The following TIAM2 variants were observed in gnomAD, a reference collection of about 807,000 sequenced individuals.
TIAM2 encodes the protein rho guanine nucleotide exchange factor TIAM2.
TIAM2 carries 80 observed loss-of-function variants against 152.9 expected under a neutral mutation model. The observed-to-expected ratio is 0.52, with a 90% CI of 0.44 to 0.63. TIAM2 has a LOEUF of 0.63. TIAM2 is among the 30% of genes least tolerant of loss of function. The pLI is 0.00. For synonymous variants in TIAM2, 804 were observed against 838.0 expected (o/e 0.96, Z 0.70); for missense variants, 1,965 against 2,120.1 (o/e 0.93, Z 1.44).
chr6:155,145,629 A>G (rs1205440514), intron 6 of TIAM2, among the ~76,000 whole-genome samples: 2 of 152,220 alleles, frequency 1.3e-5, no homozygotes, highest in Non-Finnish European at 2.9e-5. Context: ...AGCACTTGAC[A>G]TACACACAGT....
chr6:155,222,121 T>C (rs1782066598), intron 15 of TIAM2, among the ~76,000 whole-genome samples: 1 of 151,840 alleles, frequency 6.6e-6, no homozygotes, highest in Non-Finnish European at 1.5e-5. Flanking sequence ...GCCCAGCTAA[T>C]TTTTGTATTT....
Position 155,257,719 on chromosome 6 carries a change from T to G in TIAM2, c.*598T>G. 1 of 1,247,708 alleles carries G rather than the reference T, an allele frequency of 8.0e-7. No homozygotes were observed. The highest frequency in any genetic ancestry group is 1.1e-6 in the Non-Finnish European group (1 of 878,890). 77.3% of individuals were successfully genotyped at this position (1,247,708 alleles called of 1,614,324 possible). A position where few individuals can be genotyped will look rare whatever the true frequency, so the allele number is the denominator to read the frequency against. ...AGCTGTATAGTAAAAGGAAAATAAG[T>G]CACATCTGGTCATTGGCATTTGTAT... On this transcript the variant is annotated 3_prime_UTR_variant, in exon 27 of 27. Transcript: ENST00000682666.
In TIAM2 at chr6:155,256,738, C is replaced by T. The variant is rs114433866; in HGVS notation, c.4723C>T (p.His1575Tyr). 3,925 of 1,614,214 alleles carry T rather than the reference C, an allele frequency of 2.4e-3. 124 individuals are homozygous for T. The South Asian group carries it at 0.04, about 16-fold the overall frequency. The change falls in exon 27 of 27, where the codon CAC (histidine) becomes TAC (tyrosine). Residue 1575 changes from histidine (H) to tyrosine (Y), a missense_variant. Physicochemically the swap from His to Tyr is moderately conservative, Grantham distance 83. This residue lies in a region of TIAM2 where 935 missense variants were observed against 980.0 expected (regional missense o/e 0.95). Coordinates refer to ENST00000682666, the MANE Select transcript of TIAM2 (RefSeq NM_012454.4). ...SDILSDEDDD[H>Y]RQTVKQGSPT... is the part of the protein sequence containing the mutation. ...CATCCTGAGCGATGAAGATGATGAC[C>T]ACCGTCAGACTGTGAAGCAGGGCAG... is the stretch of plus-strand genomic sequence containing the variant.
intron 1 of TIAM2, among the ~76,000 whole-genome samples, chr6:155,027,107 C>T (rs1252232327): frequency 2.0e-5 from 3 of 151,780 alleles, no homozygotes; most frequent in African/African-American, 7.3e-5. Flanking sequence ...GTGATCTTGG[C>T]TCACTACAAC....
rs564553750 is a variant in TIAM2 at position 155,103,133 on chromosome 6, C to T, written c.-118+12754C>T. 3.9e-5 allele frequency among the ~76,000 whole-genome samples: 6 copies of T among 152,288 alleles called. No individual in the cohort carries two copies. In the East Asian group the frequency reaches 1.2e-3, roughly 29 times the overall value. ...GTCTAGTTTTATGATTTGGAACTCT[C>T]TGGTTTTTGTAATTTTAGGATGGAG... On this transcript the variant is annotated intron_variant, in intron 2 of 26. Coordinates refer to ENST00000682666, the MANE Select transcript of TIAM2 (RefSeq NM_012454.4).
Position 155,248,061 on chromosome 6 carries a change from C to T in TIAM2, c.3714C>T (p.Ser1238=), listed in dbSNP as rs748779497. Residue 1238 remains serine (S), a synonymous_variant, in exon 20 of 27, where the codon TCC becomes TCT. Coordinates refer to ENST00000682666, the MANE Select transcript of TIAM2 (RefSeq NM_012454.4). ...CCCGGAACCCCACCAAGCAGCATTC[C>T]TCCACGCTGGAGTCCTACCTCATCA... The part of the protein sequence containing the change: ...LDARNPTKQH[S]STLESYLIKP... 6.2e-6 allele frequency: 10 copies of T among 1,614,138 alleles called. No homozygotes were observed. Among genetic ancestry groups the T allele is most frequent in the African/African-American group, 1.3e-5 (1 of 74,950 alleles).
At chr6:155,165,504 T>G (rs1780405480) in intron 9 of TIAM2, 95 bp downstream of exon 9, 3 of 1,492,296 alleles carry the variant, frequency 2.0e-6, no homozygotes, top group Non-Finnish European at 2.7e-6. Context: ...CATTCTCTGT[T>G]AAGAATGAAA....
At position 154,995,387 on chromosome 6, in the gene TIAM2, C is replaced by T. The variant is rs1247995568; in HGVS notation, c.-314C>T. Reference sequence around the variant, plus strand: ...CGTCCAAGTGGAGAACAAAGTGACCCCCAGAACTTCTCCAACTCCTCCCGG... The same window carrying T: ...CGTCCAAGTGGAGAACAAAGTGACCTCCAGAACTTCTCCAACTCCTCCCGG... On this transcript the variant is annotated 5_prime_UTR_variant, in exon 1 of 27. Transcript: ENST00000682666. This position sits in a 1 kb window ranked among gnomAD's most constrained non-coding sequence, Gnocchi z 5.2. The T allele has an allele frequency of 1.3e-5, 2 of 151,028 alleles. No homozygotes were observed. Among genetic ancestry groups the T allele is most frequent in the African/African-American group, 2.4e-5 (1 of 41,332 alleles). 9.4% of individuals were successfully genotyped at this position (151,028 alleles called of 1,614,324 possible).
At chr6:155,027,821 CTG>C (rs1446816595) in intron 1 of TIAM2, among the ~76,000 whole-genome samples, 2 of 96,494 alleles carry the variant, frequency 2.1e-5, no homozygotes, top group Non-Finnish European at 3.8e-5. Flanking sequence ...AATATATGTA[CTG>C]TGATACATAT....
intron 2 of TIAM2, among the ~76,000 whole-genome samples, chr6:155,121,204 A>C (rs1031191591): frequency 6.6e-6 from 1 of 152,154 alleles, no homozygotes; most frequent in African/African-American, 2.4e-5. Context: ...TTAAAGCTAA[A>C]ATTTAATAAT....
intron 14 of TIAM2, among the ~76,000 whole-genome samples, chr6:155,191,839 G>A (rs1274048769): frequency 6.6e-6 from 1 of 151,896 alleles, no homozygotes; most frequent in Non-Finnish European, 1.5e-5. Flanking sequence ...AAATAATGGG[G>A]TATTTTTCTG....
intron 1 of TIAM2, among the ~76,000 whole-genome samples, chr6:155,086,172 C>T (rs115484257): frequency 0.013 from 1,964 of 152,230 alleles, 39 homozygotes; most frequent in African/African-American, 0.044. Context: ...CTGAGGAAGG[C>T]GCTGAGATCC....
At chr6:155,117,479 G>A (rs1779042491) in intron 2 of TIAM2, among the ~76,000 whole-genome samples, 1 of 152,176 alleles carries the variant, frequency 6.6e-6, no homozygotes, top group South Asian at 2.1e-4. Flanking sequence ...GTCATGCTTT[G>A]TCGCCCAGGC....
At chr6:155,091,611 C>T (rs1226896968) in intron 2 of TIAM2, among the ~76,000 whole-genome samples, 1 of 152,130 alleles carries the variant, frequency 6.6e-6, no homozygotes, top group African/African-American at 2.4e-5. Flanking sequence ...TCTAATATCT[C>T]TGGGTTTATT....
intron 1 of TIAM2, among the ~76,000 whole-genome samples, chr6:155,038,377 T>A (rs1776960570): frequency 1.3e-5 from 2 of 152,158 alleles, no homozygotes; most frequent in African/African-American, 4.8e-5. Flanking sequence ...TGCCTGCATT[T>A]CAGTAGATGG....
In TIAM2 at chr6:155,257,524, TTTAAG is replaced by T. The variant is rs895018150; in HGVS notation, c.*407_*411del. ...TAGTTTTTGCTTTATTTAAAGCATA[TTTAAG>T]TTATTTTAATGTGGTTTAGGGGCAA... On this transcript the variant is annotated 3_prime_UTR_variant, in exon 27 of 27. Coordinates refer to ENST00000682666, the MANE Select transcript of TIAM2 (RefSeq NM_012454.4). The T allele has an allele frequency of 5.3e-5, 19 of 360,660 alleles. No homozygotes were observed. The highest frequency in any genetic ancestry group is 3.6e-4 in the African/African-American group (17 of 46,996). 22.3% of individuals were successfully genotyped at this position (360,660 alleles called of 1,614,324 possible).
At chr6:155,233,177 G>GTGA (rs147389698) in intron 15 of TIAM2, among the ~76,000 whole-genome samples, 1 of 152,312 alleles carries the variant, frequency 6.6e-6, no homozygotes, top group Non-Finnish European at 1.5e-5. Context: ...TCTGGGTAAT[G>GTGA]TGATGTACCT....
chr6:155,046,804 A>G (rs1583166685), intron 1 of TIAM2, among the ~76,000 whole-genome samples: 1 of 152,044 alleles, frequency 6.6e-6, no homozygotes, highest in Non-Finnish European at 1.5e-5. Flanking sequence ...AGGAGAGGCC[A>G]CCTGTCTGTG....
intron 2 of TIAM2, among the ~76,000 whole-genome samples, chr6:155,098,066 T>G (rs1778458313): frequency 6.6e-6 from 1 of 152,228 alleles, no homozygotes; most frequent in Non-Finnish European, 1.5e-5. Context: ...CTCATTTGGT[T>G]GTTAGAGCTT....
Sources: allele counts gnomAD v4.1 joint callset (sites outside exome capture counted in the v4.1 genomes callset), GRCh38; gene constraint gnomAD v4.1.1; regional missense constraint gnomAD v4.1.1; non-coding constraint Gnocchi (gnomAD v3.1); transcripts MANE v1.5; gene names NCBI Gene and HGNC (gene_info 2026-07-23, HGNC 2026-07-21).